The following EGLN1 variants were observed in gnomAD, a reference collection of about 807,000 sequenced individuals.
EGLN1 encodes egl nine homolog 1.
A neutral mutation model predicts 38.3 loss-of-function variants in EGLN1; 17 were observed. The observed-to-expected ratio is 0.44, with a 90% confidence interval of 0.30 to 0.67. The LOEUF (loss-of-function observed/expected upper bound fraction) is 0.67. Ranked by LOEUF, EGLN1 falls within the 30% of genes least tolerant of loss-of-function variation. EGLN1 has a pLI of 0.08. For missense variants in EGLN1, 477 were observed against 603.3 expected (o/e 0.79, Z 2.19); for synonymous variants, 283 against 257.5 (o/e 1.10, Z -0.95).
intron 1 of EGLN1, among the ~76,000 whole-genome samples, chr1:231,381,595 T>TATG: frequency 6.6e-6 from 1 of 152,208 alleles, no homozygotes; most frequent in East Asian, 1.9e-4. Context: ...TCAACTTAAG[T>TATG]ATGATGCTCC....
At chr1:231,404,226 C>G (rs1688732304) in intron 1 of EGLN1, among the ~76,000 whole-genome samples, 1 of 152,074 alleles carries the variant, frequency 6.6e-6, no homozygotes, top group South Asian at 2.1e-4. Flanking sequence ...ACTACGAGCA[C>G]AATTACTACA....
chr1:231,418,948 G>T (rs1028942485), intron 1 of EGLN1, among the ~76,000 whole-genome samples: 2 of 151,850 alleles, frequency 1.3e-5, no homozygotes, highest in African/African-American at 4.8e-5. Context: ...CTCAATATAC[G>T]GTGGGTGGTT....
chr1:231,381,965 C>A (rs1192891260), intron 1 of EGLN1, among the ~76,000 whole-genome samples: 1 of 152,238 alleles, frequency 6.6e-6, no homozygotes, highest in African/African-American at 2.4e-5. Flanking sequence ...GGGAATTATA[C>A]AACCTCATTC....
chr1:231,380,426 A>G (rs374414132), intron 1 of EGLN1, among the ~76,000 whole-genome samples: 1 of 151,920 alleles, frequency 6.6e-6, no homozygotes, highest in East Asian at 1.9e-4. Flanking sequence ...ATTTCTGACT[A>G]ATTTTTTGAC....
chr1:231,412,952 T>C (rs184210611), intron 1 of EGLN1, among the ~76,000 whole-genome samples: 126 of 152,324 alleles, frequency 8.3e-4, no homozygotes, highest in African/African-American at 2.9e-3. Flanking sequence ...GCAAATCTCA[T>C]TTGATTCTAC....
chr1:231,391,092 T>TTTTTGTGTGTGTGTG (rs1553353098), intron 1 of EGLN1, among the ~76,000 whole-genome samples: 1 of 67,366 alleles, frequency 1.5e-5, no homozygotes, highest in African/African-American at 4.7e-5. Context: ...TGTTTTTTTT[T>TTTTTGTGTGTGTGTG]TGTGTGTGTG....
chr1:231,377,744 G>C (rs1413715203), intron 1 of EGLN1, among the ~76,000 whole-genome samples: 2 of 152,166 alleles, frequency 1.3e-5, no homozygotes, highest in Non-Finnish European at 2.9e-5. Context: ...GGAGCCCTAG[G>C]GAGGTATCTA....
intron 1 of EGLN1, among the ~76,000 whole-genome samples, chr1:231,416,114 G>A (rs2102941786): frequency 6.6e-6 from 1 of 152,264 alleles, no homozygotes; most frequent in South Asian, 2.1e-4. Context: ...GCCTCCCAAA[G>A]TGCTGGGGTA....
intron 1 of EGLN1, among the ~76,000 whole-genome samples, chr1:231,395,618 T>C (rs1387863921): frequency 1.3e-5 from 2 of 152,240 alleles, no homozygotes; most frequent in Non-Finnish European, 2.9e-5. Flanking sequence ...AGGAATGCAG[T>C]GATCTAATAC....
Position 231,421,890 on chromosome 1 carries a change from G to GCGT in EGLN1, c.-3_-2insACG. On this transcript the variant is annotated 5_prime_UTR_variant, in exon 1 of 5. Coordinates refer to ENST00000366641, the MANE Select transcript of EGLN1 (RefSeq NM_022051.3). This position sits in a 1 kb window ranked among gnomAD's most constrained non-coding sequence, Gnocchi z 5.5. Reference sequence around the variant, plus strand: ...GGGCCCGCCGCTGTCATTGGCCATGGCGGCGGCGGCGGCGGCGACGGCGAC... The same window carrying GCGT: ...GGGCCCGCCGCTGTCATTGGCCATGGCGTCGGCGGCGGCGGCGGCGACGGCGAC... 1.4e-6 allele frequency: 2 copies of GCGT among 1,398,924 alleles called. No homozygotes were observed. Among genetic ancestry groups the GCGT allele is most frequent in the Non-Finnish European group, 1.8e-6 (2 of 1,085,002 alleles). 86.7% of individuals were successfully genotyped at this position (1,398,924 alleles called of 1,614,324 possible).
At chr1:231,371,480 A>G (rs1437411503) in intron 2 of EGLN1, among the ~76,000 whole-genome samples, 1 of 152,196 alleles carries the variant, frequency 6.6e-6, no homozygotes. Context: ...AAGTGTCATC[A>G]TTTATTATGA....
chr1:231,371,287 C>T (rs962574930), intron 2 of EGLN1, among the ~76,000 whole-genome samples: 2 of 152,060 alleles, frequency 1.3e-5, no homozygotes, highest in African/African-American at 4.8e-5. Flanking sequence ...AACTACTAAA[C>T]GTTTATTTTT....
intron 1 of EGLN1, among the ~76,000 whole-genome samples, chr1:231,415,107 C>CA (rs1689044181): frequency 6.6e-6 from 1 of 151,736 alleles, no homozygotes; most frequent in South Asian, 2.1e-4. Flanking sequence ...CCCGTCTCTA[C>CA]AAAAAAATTT....
chr1:231,406,743 T>C (rs1046521248), intron 1 of EGLN1, among the ~76,000 whole-genome samples: 4 of 151,930 alleles, frequency 2.6e-5, no homozygotes, highest in Non-Finnish European at 5.9e-5. Flanking sequence ...AAGCAGAACA[T>C]TGTGTGTACT....
rs574492560 is a variant in EGLN1 at position 231,401,149 on chromosome 1, A to G, written c.891+19849T>C. ...ATACAACACCCCTCAAAAGATGCAT[A>G]GAAACTTAACTTCACATGTCTTAGC... On this transcript the variant is annotated intron_variant, in intron 1 of 4. Coordinates refer to ENST00000366641, the MANE Select transcript of EGLN1 (RefSeq NM_022051.3). Among the ~76,000 whole-genome samples, 14 of 152,312 alleles carry G rather than the reference A, an allele frequency of 9.2e-5. No homozygotes were observed. The South Asian group carries it at 1.4e-3, about 16-fold the overall frequency.
chr1:231,388,046 T>C (rs1464380885), intron 1 of EGLN1, among the ~76,000 whole-genome samples: 1 of 152,222 alleles, frequency 6.6e-6, no homozygotes, highest in Non-Finnish European at 1.5e-5. Context: ...CTTTACAGAT[T>C]GCTATACACT....
chr1:231,369,015 G>A (rs1203584554), intron 3 of EGLN1, among the ~76,000 whole-genome samples: 1 of 152,082 alleles, frequency 6.6e-6, no homozygotes, highest in Non-Finnish European at 1.5e-5. Flanking sequence ...TTAGCAATCA[G>A]AATTCTAATA....
chr1:231,418,127 G>T (rs1422812624), intron 1 of EGLN1, among the ~76,000 whole-genome samples: 2 of 152,148 alleles, frequency 1.3e-5, no homozygotes, highest in Non-Finnish European at 1.5e-5. Context: ...ATTCTGAATT[G>T]AAGTCTCCCT....
At chr1:231,415,387 T>C (rs1397843198) in intron 1 of EGLN1, among the ~76,000 whole-genome samples, 1 of 152,174 alleles carries the variant, frequency 6.6e-6, no homozygotes, top group African/African-American at 2.4e-5. Context: ...ACCAGCTCTA[T>C]GACCTTGAAG....
Sources: allele counts gnomAD v4.1 joint callset (sites outside exome capture counted in the v4.1 genomes callset), GRCh38; gene constraint gnomAD v4.1.1; non-coding constraint Gnocchi (gnomAD v3.1); transcripts MANE v1.5; gene names NCBI Gene and HGNC (gene_info 2026-07-23, HGNC 2026-07-21).